Variants in FGGY observed in about 807,000 individuals in gnomAD.
FGGY encodes FGGY carbohydrate kinase domain containing.
In FGGY, 72 loss-of-function variants were observed where a neutral mutation model predicts 71.3. The ratio of observed to expected loss-of-function variants is 1.01; its 90% CI spans 0.84 to 1.23. The LOEUF is 1.23. FGGY is among the 50% of genes most tolerant of loss of function. The probability of loss-of-function intolerance (pLI) is 0.00; values close to 1 mark genes in which losing one functional copy is unlikely to be tolerated. For missense variants in FGGY, 668 were observed against 682.3 expected, an observed-to-expected ratio of 0.98 and a Z score of 0.23; for synonymous variants, 251 against 250.3, an observed-to-expected ratio of 1.00 and a Z score of -0.02.
At chr1:59,670,807 C>T (rs1454769840) in intron 13 of FGGY, among the ~76,000 whole-genome samples, 1 of 152,122 alleles carries the variant, frequency 6.6e-6, no homozygotes, top group Non-Finnish European at 1.5e-5. Flanking sequence ...CGGGGCCTTG[C>T]CAGCTTGGGA....
intron 8 of FGGY, 34 bp downstream of exon 8, chr1:59,554,261 C>T: frequency 6.4e-7 from 1 of 1,551,664 alleles, no homozygotes; most frequent in South Asian, 1.1e-5. Flanking sequence ...AAGGCCACCA[C>T]ACAGCAGGAG....
At chr1:59,357,062 G>T (rs1013600469) in intron 4 of FGGY, among the ~76,000 whole-genome samples, 1 of 152,180 alleles carries the variant, frequency 6.6e-6, no homozygotes, top group Non-Finnish European at 1.5e-5. Context: ...AGACAGTATT[G>T]TCAGCTGCTG....
At chr1:59,618,591 G>A (rs1458280943) in intron 9 of FGGY, among the ~76,000 whole-genome samples, 1 of 152,010 alleles carries the variant, frequency 6.6e-6, no homozygotes, top group African/African-American at 2.4e-5. Context: ...AATACAGTTG[G>A]CAGGCTTTGT....
chr1:59,373,972 C>T (rs1347644620), intron 4 of FGGY, among the ~76,000 whole-genome samples: 1 of 152,172 alleles, frequency 6.6e-6, no homozygotes, highest in Non-Finnish European at 1.5e-5. Flanking sequence ...CCAGGCAATA[C>T]CATTCAGGAC....
intron 5 of FGGY, among the ~76,000 whole-genome samples, chr1:59,417,746 C>A (rs1234272975): frequency 6.6e-6 from 1 of 152,092 alleles, no homozygotes; most frequent in African/African-American, 2.4e-5. Context: ...TGTATATATT[C>A]TTTGCAGAAA....
intron 14 of FGGY, among the ~76,000 whole-genome samples, chr1:59,734,347 C>T (rs867842556): frequency 5.3e-5 from 8 of 152,026 alleles, no homozygotes; most frequent in African/African-American, 9.7e-5. Context: ...GGACCGCAGG[C>T]GTGCACCGCC....
intron 14 of FGGY, among the ~76,000 whole-genome samples, chr1:59,676,545 G>A (rs1040660785): frequency 6.6e-6 from 1 of 151,184 alleles, no homozygotes; most frequent in African/African-American, 2.4e-5. Context: ...TCAAAACTGG[G>A]ATCTCCAGCT....
At chr1:59,610,272 C>A (rs116492510) in intron 9 of FGGY, among the ~76,000 whole-genome samples, 169 of 152,142 alleles carry the variant, frequency 1.1e-3, no homozygotes, top group African/African-American at 4.0e-3. Flanking sequence ...TGTGTTGTCC[C>A]CCTCTCTGTG....
In FGGY at chr1:59,652,707, C is replaced by T. The variant is rs1213138465; in HGVS notation, c.1222-7512C>T. On this transcript the variant is annotated intron_variant, in intron 11 of 15. Transcript: ENST00000303721. ...TTTGCCTTTGGTTTGAATGTCCTCC[C>T]GTAGCTCAGAGTAATTTGATCATCT... Among the ~76,000 whole-genome samples, 8 of 148,912 alleles carry T rather than the reference C, an allele frequency of 5.4e-5. No homozygotes were observed. In the East Asian group the frequency reaches 1.2e-3, roughly 22 times the overall value.
intron 6 of FGGY, among the ~76,000 whole-genome samples, chr1:59,474,928 G>A (rs2153556517): frequency 6.6e-6 from 1 of 152,234 alleles, no homozygotes; most frequent in South Asian, 2.1e-4. Flanking sequence ...ATATTATGAA[G>A]ATTAGTAAGT....
intron 13 of FGGY, among the ~76,000 whole-genome samples, chr1:59,669,199 T>G (rs2097353318): frequency 6.6e-6 from 1 of 152,118 alleles, no homozygotes; most frequent in African/African-American, 2.4e-5. Context: ...TGAATTAAAT[T>G]GGCTATCTAA....
chr1:59,554,173 G>A lies in FGGY; in HGVS notation c.849G>A (p.Gln283=), dbSNP rs767179339. Residue 283 remains glutamine (Q), a synonymous_variant, in exon 8 of 16, where the codon CAG becomes CAA. Transcript: ENST00000303721. The part of the protein sequence containing the change: ...VRGHGLICEG[Q]PVTSRLAVIC... ...GGCACGGCCTCATCTGTGAGGGGCA[G>A]CCAGTGACGTCACGGCTGGCTGTCA... The A allele has an allele frequency of 6.2e-7, 1 of 1,613,714 alleles. No homozygotes were observed. Among genetic ancestry groups the A allele is most frequent in the Non-Finnish European group, 8.5e-7 (1 of 1,179,634 alleles).
intron 6 of FGGY, among the ~76,000 whole-genome samples, chr1:59,495,830 C>T (rs970361428): frequency 6.6e-6 from 1 of 152,030 alleles, no homozygotes; most frequent in Non-Finnish European, 1.5e-5. Context: ...CTATTCTTTT[C>T]CATGGATCTA....
At chr1:59,576,517 T>C (rs142275469) in intron 8 of FGGY, among the ~76,000 whole-genome samples, 4 of 152,206 alleles carry the variant, frequency 2.6e-5, no homozygotes, top group Admixed American at 1.3e-4. Flanking sequence ...TGTATACTTA[T>C]GTAACAAACC....
intron 4 of FGGY, among the ~76,000 whole-genome samples, chr1:59,357,405 G>A (rs1304733967): frequency 6.6e-6 from 1 of 152,024 alleles, no homozygotes; most frequent in East Asian, 1.9e-4. Flanking sequence ...TCCTTTATAT[G>A]ATCTATGACA....
chr1:59,644,744 G>A (rs1008210540), intron 11 of FGGY, among the ~76,000 whole-genome samples: 6 of 152,114 alleles, frequency 3.9e-5, no homozygotes, highest in Non-Finnish European at 5.9e-5. Flanking sequence ...TTGGGAGGCC[G>A]AGGCGGGTGG....
At chr1:59,561,188 G>C (rs1558354761) in intron 8 of FGGY, among the ~76,000 whole-genome samples, 1 of 152,136 alleles carries the variant, frequency 6.6e-6, no homozygotes, top group Non-Finnish European at 1.5e-5. Context: ...GGGGTGGAGT[G>C]GGATGGGATT....
intron 2 of FGGY, among the ~76,000 whole-genome samples, chr1:59,324,527 C>G (rs902802325): frequency 1.1e-4 from 16 of 151,994 alleles, no homozygotes; most frequent in Admixed American, 5.2e-4. Context: ...CCGCCCGCCT[C>G]GGCCTCCCAA....
intron 2 of FGGY, among the ~76,000 whole-genome samples, chr1:59,323,027 GGAGTGGGTAGGCAGTACCA>G (rs140073102): frequency 0.022 from 3,305 of 152,162 alleles, 118 homozygotes; most frequent in African/African-American, 0.076. Flanking sequence ...GAGAGAGGAG[GGAGTGGGTAGGCAGTACCA>G]GAGCATTATA....
Sources: allele counts gnomAD v4.1 joint callset (sites outside exome capture counted in the v4.1 genomes callset), GRCh38; gene constraint gnomAD v4.1.1; transcripts MANE v1.5; gene names NCBI Gene and HGNC (gene_info 2026-07-23, HGNC 2026-07-21).